GABRB1: variants seen among roughly 807,000 people sequenced by gnomAD.
GABRB1 encodes the protein gamma-aminobutyric acid receptor subunit beta-1.
GABRB1 carries 17 observed loss-of-function variants against 51.6 expected under a neutral mutation model. The observed-to-expected ratio is 0.33, with a 90% confidence interval of 0.23 to 0.49. The LOEUF (loss-of-function observed/expected upper bound fraction) is 0.49, where lower values mean the gene tolerates loss of function less well. GABRB1 is among the 20% of genes least tolerant of loss of function. GABRB1 has a pLI of 0.99. For synonymous variants in GABRB1, 247 were observed against 218.9 expected, an observed-to-expected ratio of 1.13 and a Z score of -1.14; for missense variants, 410 against 600.6, an observed-to-expected ratio of 0.68 and a Z score of 3.32.
At chr4:47,203,402 G>C (rs994413632) in intron 4 of GABRB1, among the ~76,000 whole-genome samples, 3 of 152,056 alleles carry the variant, frequency 2.0e-5, no homozygotes, top group African/African-American at 4.8e-5. Flanking sequence ...TATCAGAGGA[G>C]AGTCCATTAT....
intron 4 of GABRB1, among the ~76,000 whole-genome samples, chr4:47,176,142 A>C (rs1372421461): frequency 6.6e-6 from 1 of 152,146 alleles, no homozygotes; most frequent in Non-Finnish European, 1.5e-5. Flanking sequence ...TGAAGAGTCC[A>C]AATGTATTTG....
chr4:47,320,028 T>C (rs1725019768), intron 4 of GABRB1, 99 bp from the exon 5 acceptor site: 2 of 828,622 alleles, frequency 2.4e-6, no homozygotes, highest in East Asian at 4.9e-5. Context: ...TGATGCCTTG[T>C]TTCTGCCAAC....
At chr4:47,244,496 G>A (rs1721662321) in intron 4 of GABRB1, among the ~76,000 whole-genome samples, 1 of 152,142 alleles carries the variant, frequency 6.6e-6, no homozygotes, top group South Asian at 2.1e-4. Flanking sequence ...GAATTCAGCT[G>A]TGAATCCATC....
At chr4:47,048,375 G>C (rs1188837321) in intron 3 of GABRB1, among the ~76,000 whole-genome samples, 1 of 152,092 alleles carries the variant, frequency 6.6e-6, no homozygotes, top group Non-Finnish European at 1.5e-5. Context: ...TTAATGAAGA[G>C]GAGACACAGC....
intron 4 of GABRB1, among the ~76,000 whole-genome samples, chr4:47,224,455 G>C (rs1389004236): frequency 6.6e-6 from 1 of 152,156 alleles, no homozygotes; most frequent in Non-Finnish European, 1.5e-5. Flanking sequence ...CCAAAGAGCA[G>C]AGTGAGGAGG....
At chr4:47,064,307 G>C (rs1726965402) in intron 3 of GABRB1, among the ~76,000 whole-genome samples, 1 of 152,120 alleles carries the variant, frequency 6.6e-6, no homozygotes, top group Non-Finnish European at 1.5e-5. Flanking sequence ...AGGATACTTT[G>C]TCATTCTTCT....
chr4:47,122,139 A>G (rs1398116424), intron 3 of GABRB1, among the ~76,000 whole-genome samples: 2 of 152,174 alleles, frequency 1.3e-5, no homozygotes, highest in Non-Finnish European at 2.9e-5. Context: ...TAGTTCTGTA[A>G]CACTGCCCTG....
intron 4 of GABRB1, among the ~76,000 whole-genome samples, chr4:47,287,071 T>A (rs983625732): frequency 3.9e-5 from 6 of 152,166 alleles, no homozygotes; most frequent in Non-Finnish European, 8.8e-5. Flanking sequence ...GAGCTATGTT[T>A]CTTGAACCTC....
intron 4 of GABRB1, among the ~76,000 whole-genome samples, chr4:47,208,347 G>C (rs2109806594): frequency 6.6e-6 from 1 of 152,124 alleles, no homozygotes; most frequent in East Asian, 1.9e-4. Flanking sequence ...TGGGGAATGG[G>C]GAATTAATGC....
chr4:47,125,112 A>G (rs189813847), intron 3 of GABRB1, among the ~76,000 whole-genome samples: 3 of 152,314 alleles, frequency 2.0e-5, no homozygotes, highest in African/African-American at 7.2e-5. Flanking sequence ...GGGCATTTTC[A>G]TGAGTCTATC....
rs538909431 is a variant in GABRB1, at chr4:47,004,614, G to A, written c.-20+10688G>A. 2.0e-5 allele frequency among the ~76,000 whole-genome samples: 3 copies of A among 152,278 alleles called. No individual in the cohort carries two copies. In the East Asian group the frequency reaches 5.8e-4, roughly 29 times the overall value. On this transcript the variant is annotated intron_variant, in intron 1 of 3. Transcript: ENST00000513567. ...CTTTAGGGTTGAATGGGAAGAGTTT[G>A]AGATGCTCAAAACACACCTTGCTTT...
At chr4:46,999,121 T>A (rs1393109381) in intron 1 of GABRB1, among the ~76,000 whole-genome samples, 1 of 152,152 alleles carries the variant, frequency 6.6e-6, no homozygotes. Flanking sequence ...CAAGGATAAT[T>A]TATGCATTAC....
intron 1 of GABRB1, among the ~76,000 whole-genome samples, chr4:47,021,299 T>A (rs1430448420): frequency 6.6e-6 from 1 of 152,184 alleles, no homozygotes; most frequent in Non-Finnish European, 1.5e-5. Flanking sequence ...CAGACAGAAT[T>A]CCAGATAAGT....
At chr4:47,162,532 T>C (rs1193103962) in intron 4 of GABRB1, among the ~76,000 whole-genome samples, 1 of 152,054 alleles carries the variant, frequency 6.6e-6, no homozygotes, top group African/African-American at 2.4e-5. Flanking sequence ...TTTCCCAAAT[T>C]ATTACCAGCA....
intron 4 of GABRB1, among the ~76,000 whole-genome samples, chr4:47,204,774 A>G (rs1439762348): frequency 6.6e-6 from 1 of 152,158 alleles, no homozygotes; most frequent in East Asian, 1.9e-4. Context: ...GCCTTCTGCC[A>G]TGATTGTGAG....
chr4:47,330,153 G>A (rs542363057), intron 5 of GABRB1, among the ~76,000 whole-genome samples: 1 of 152,194 alleles, frequency 6.6e-6, no homozygotes, highest in Non-Finnish European at 1.5e-5. Flanking sequence ...TTACTCAGGG[G>A]AGAGTCAGTT....
chr4:47,277,779 C>G (rs2109902473), intron 4 of GABRB1, among the ~76,000 whole-genome samples: 1 of 151,962 alleles, frequency 6.6e-6, no homozygotes, highest in South Asian at 2.1e-4. Flanking sequence ...TTTGTATTTC[C>G]TACTTCAAAA....
chr4:47,379,792 T>G (rs1014994434), intron 5 of GABRB1, among the ~76,000 whole-genome samples: 11 of 152,346 alleles, frequency 7.2e-5, no homozygotes, highest in Non-Finnish European at 1.3e-4. Flanking sequence ...ATGAAATAAT[T>G]AGTATGAAAC....
intron 1 of GABRB1, among the ~76,000 whole-genome samples, chr4:47,008,210 T>C (rs1349287236): frequency 6.6e-6 from 1 of 152,068 alleles, no homozygotes; most frequent in African/African-American, 2.4e-5. Context: ...AAATACAGAA[T>C]ACAGGAAGTT....
Sources: allele counts gnomAD v4.1 joint callset (sites outside exome capture counted in the v4.1 genomes callset), GRCh38; gene constraint gnomAD v4.1.1; transcripts MANE v1.5; gene names NCBI Gene and HGNC (gene_info 2026-07-23, HGNC 2026-07-21).